The following MCPH1 variants were observed in gnomAD, a reference collection of about 807,000 sequenced individuals.
The protein encoded by MCPH1 is microcephalin 1.
A neutral mutation model predicts 84.5 loss-of-function variants in MCPH1; 104 were observed. The ratio of observed to expected loss-of-function variants is 1.23; its 90% confidence interval spans 1.05 to 1.45. The LOEUF is 1.45. Ranked by LOEUF, MCPH1 falls within the 40% of genes most tolerant of loss-of-function variation. The pLI, the probability that MCPH1 is intolerant of heterozygous loss-of-function variation, is 0.00. For synonymous variants in MCPH1, 514 were observed against 366.8 expected, an observed-to-expected ratio of 1.40 and a Z score of -4.58; for missense variants, 1,498 against 1,005.7, an observed-to-expected ratio of 1.49 and a Z score of -6.62.
intron 12 of MCPH1, among the ~76,000 whole-genome samples, chr8:6,542,589 A>G (rs1394691601): frequency 6.9e-6 from 1 of 145,460 alleles, no homozygotes; most frequent in East Asian, 2.0e-4. Context: ...TGATATGCCT[A>G]TTCTTATCTT....
At chr8:6,507,854 AT>A (rs1287115023) in intron 12 of MCPH1, 1 of 152,074 alleles carries the variant, frequency 6.6e-6, no homozygotes, top group African/African-American at 2.4e-5. Flanking sequence ...AAGTGCTGGC[AT>A]TACAGGCGTG....
chr8:6,499,426 G>A (rs550441953), intron 11 of MCPH1, among the ~76,000 whole-genome samples: 18 of 152,242 alleles, frequency 1.2e-4, no homozygotes, highest in Admixed American at 9.2e-4. Flanking sequence ...ACAAGCCAAA[G>A]GGATTGCTTT....
chr8:6,466,581 A>T (rs1430848356), intron 9 of MCPH1, among the ~76,000 whole-genome samples: 1 of 152,150 alleles, frequency 6.6e-6, no homozygotes, highest in African/African-American at 2.4e-5. Context: ...TGCTGGGATT[A>T]CAGGCATGAG....
At chr8:6,564,857 T>C (rs1173733963) in intron 12 of MCPH1, among the ~76,000 whole-genome samples, 2 of 152,200 alleles carry the variant, frequency 1.3e-5, no homozygotes, top group Non-Finnish European at 2.9e-5. Context: ...CTACTGAACA[T>C]TGGAATAAAG....
At chr8:6,494,920 A>G (rs1231988616) in intron 11 of MCPH1, among the ~76,000 whole-genome samples, 1 of 152,226 alleles carries the variant, frequency 6.6e-6, no homozygotes, top group Non-Finnish European at 1.5e-5. Flanking sequence ...CACTTAAAAA[A>G]AGTCATATAT....
intron 13 of MCPH1, among the ~76,000 whole-genome samples, chr8:6,623,717 A>AAC (rs1831746773): frequency 7.3e-4 from 2 of 2,722 alleles, no homozygotes; most frequent in Non-Finnish European, 2.5e-3. Context: ...AAAAAAAAAA[A>AAC]ACTATTGATT....
intron 12 of MCPH1, among the ~76,000 whole-genome samples, chr8:6,561,593 G>C (rs193148976): frequency 6.6e-6 from 1 of 152,208 alleles, no homozygotes; most frequent in Admixed American, 6.5e-5. Flanking sequence ...ACTTTTAAAA[G>C]ACTTTACATA....
rs544566166 is a variant in MCPH1 at position 6,550,625 on chromosome 8, C to T, written c.2214+50696C>T. Among the ~76,000 whole-genome samples, 3 of 152,326 alleles carry T rather than the reference C, an allele frequency of 2.0e-5. No individual in the cohort carries two copies. The East Asian group carries it at 5.8e-4, about 29-fold the overall frequency. On this transcript the variant is annotated intron_variant, in intron 12 of 13. Transcript: ENST00000344683. ...GGGTGGCGGGCGTTGGTGGTGAAGT[C>T]TGTCGGCCCTCCTGACCCACACACG... is the stretch of plus-strand genomic sequence containing the variant.
At chr8:6,486,770 GAAGTAACACAACAGA>G (rs1363582966) in intron 11 of MCPH1, among the ~76,000 whole-genome samples, 2 of 152,138 alleles carry the variant, frequency 1.3e-5, no homozygotes. Flanking sequence ...TGGGAGACAG[GAAGTAACACAACAGA>G]AAAATAAAGA....
At chr8:6,540,592 C>CT in intron 12 of MCPH1, among the ~76,000 whole-genome samples, 1 of 152,192 alleles carries the variant, frequency 6.6e-6, no homozygotes, top group Admixed American at 6.5e-5. Context: ...CAGACGTTGT[C>CT]AGGCCACGTC....
intron 12 of MCPH1, chr8:6,618,479 C>T (rs972004727): frequency 6.6e-6 from 1 of 152,094 alleles, no homozygotes; most frequent in Non-Finnish European, 1.5e-5. Flanking sequence ...TACTGCTTAT[C>T]CATATAGTGA....
chr8:6,461,329 T>TC (rs1806263754), intron 9 of MCPH1, among the ~76,000 whole-genome samples: 1 of 145,904 alleles, frequency 6.9e-6, no homozygotes, highest in Non-Finnish European at 1.5e-5. Context: ...TTGAGACTTT[T>TC]TTTTTTTTTT....
chr8:6,508,828 T>C (rs1023730593), intron 12 of MCPH1: 3 of 1,503,158 alleles, frequency 2.0e-6, no homozygotes, highest in Middle Eastern at 1.7e-4. Flanking sequence ...TATGAAATTG[T>C]GGACATCGTT....
At chr8:6,432,400 C>T (rs2916762) in intron 4 of MCPH1, among the ~76,000 whole-genome samples, 2,264 of 152,008 alleles carry the variant, frequency 0.015, 58 homozygotes, top group African/African-American at 0.051. Context: ...TTTCCAATCG[C>T]GACTGGTTGA....
intron 12 of MCPH1, among the ~76,000 whole-genome samples, chr8:6,609,824 C>A (rs564434888): frequency 1.6e-5 from 2 of 127,878 alleles, no homozygotes; most frequent in East Asian, 2.0e-4. Flanking sequence ...CCCCCGCCCC[C>A]CCCCCACACA....
In MCPH1 at chr8:6,544,934, G is replaced by A. The variant is rs1278868957; in HGVS notation, c.2214+45005G>A. ...TCTCACTAGTTTTGTTCTCACAATG[G>A]AATTATTATTTTGATTTTTAAATGT... On this transcript the variant is annotated intron_variant, in intron 12 of 13. Coordinates refer to ENST00000344683, the MANE Select transcript of MCPH1 (RefSeq NM_024596.5). 4.6e-5 allele frequency among the ~76,000 whole-genome samples: 7 copies of A among 152,278 alleles called. No individual in the cohort carries two copies. In the East Asian group the frequency reaches 1.3e-3, roughly 29 times the overall value.
intron 12 of MCPH1, among the ~76,000 whole-genome samples, chr8:6,578,877 G>A (rs1295718824): frequency 3.9e-5 from 6 of 152,216 alleles, no homozygotes; most frequent in African/African-American, 1.4e-4. Context: ...AGCACAGGTT[G>A]CTTCTCTGGC....
chr8:6,432,180 A>G (rs926311348), intron 4 of MCPH1, among the ~76,000 whole-genome samples: 1 of 152,208 alleles, frequency 6.6e-6, no homozygotes. Flanking sequence ...ATGTTGCCCA[A>G]GCTAGTCTCA....
chr8:6,560,399 G>A (rs953715975), intron 12 of MCPH1, among the ~76,000 whole-genome samples: 3 of 152,136 alleles, frequency 2.0e-5, no homozygotes, highest in Non-Finnish European at 2.9e-5. Flanking sequence ...GAAAATCAGT[G>A]TTTATTATCA....
Sources: allele counts gnomAD v4.1 joint callset (sites outside exome capture counted in the v4.1 genomes callset), GRCh38; gene constraint gnomAD v4.1.1; transcripts MANE v1.5; gene names NCBI Gene and HGNC (gene_info 2026-07-23, HGNC 2026-07-21).